AUTS2: variants seen among roughly 807,000 people sequenced by gnomAD.
The protein encoded by AUTS2 is activator of transcription and developmental regulator AUTS2, also known as autism susceptibility gene 2 protein.
In AUTS2, 17 loss-of-function variants were observed where a neutral mutation model predicts 112.4. That is an observed-to-expected ratio of 0.15 (90% CI 0.10 to 0.23). AUTS2 has a LOEUF of 0.23. Among genes scored for constraint, AUTS2 ranks in the 10% least tolerant of loss-of-function variants. AUTS2 has a pLI of 1.00. For missense variants in AUTS2, 1,510 were observed against 1,701.6 expected, an observed-to-expected ratio of 0.89 and a Z score of 1.98; for synonymous variants, 751 against 702.7, an observed-to-expected ratio of 1.07 and a Z score of -1.09.
chr7:70,777,393 A>T (rs987796923), intron 14 of AUTS2, among the ~76,000 whole-genome samples: 4 of 151,934 alleles, frequency 2.6e-5, no homozygotes, highest in Non-Finnish European at 5.9e-5. Flanking sequence ...CAAGGGGACA[A>T]TCATAGCTCA....
At chr7:69,964,141 C>T (rs751689301) in intron 2 of AUTS2, among the ~76,000 whole-genome samples, 5 of 152,106 alleles carry the variant, frequency 3.3e-5, no homozygotes, top group Admixed American at 6.6e-5. Flanking sequence ...TTACCTGATA[C>T]ATATAATACA....
At chr7:70,272,173 A>G (rs1039316582) in intron 4 of AUTS2, among the ~76,000 whole-genome samples, 4 of 152,104 alleles carry the variant, frequency 2.6e-5, no homozygotes, top group Non-Finnish European at 4.4e-5. Flanking sequence ...TGAAAAAGAG[A>G]TAAAATGAAT....
At chr7:70,610,958 T>G (rs1804062373) in intron 5 of AUTS2, among the ~76,000 whole-genome samples, 1 of 152,328 alleles carries the variant, frequency 6.6e-6, no homozygotes, top group South Asian at 2.1e-4. Flanking sequence ...GTTGATTGTT[T>G]CCTTTGCCAT....
intron 5 of AUTS2, among the ~76,000 whole-genome samples, chr7:70,533,194 CT>C (rs1244980708): frequency 6.6e-6 from 1 of 152,206 alleles, no homozygotes. Flanking sequence ...ATGAACACGG[CT>C]CACTTGCAGA....
intron 4 of AUTS2, among the ~76,000 whole-genome samples, chr7:70,235,965 C>G (rs142550660): frequency 0.012 from 1,766 of 152,320 alleles, 17 homozygotes; most frequent in Non-Finnish European, 0.016. Flanking sequence ...TGACCACCCT[C>G]TGTAAAACTG....
intron 1 of AUTS2, among the ~76,000 whole-genome samples, chr7:69,677,846 A>G (rs1384788479): frequency 6.6e-6 from 1 of 152,202 alleles, no homozygotes; most frequent in Non-Finnish European, 1.5e-5. Flanking sequence ...GAGCATTTGC[A>G]AATTACATAG....
At chr7:69,802,630 G>T (rs1790134736) in intron 1 of AUTS2, among the ~76,000 whole-genome samples, 1 of 152,174 alleles carries the variant, frequency 6.6e-6, no homozygotes, top group Non-Finnish European at 1.5e-5. Context: ...GAACCTTAGA[G>T]TACTGGCTCA....
intron 4 of AUTS2, among the ~76,000 whole-genome samples, chr7:70,334,220 C>A (rs765404306): frequency 3.3e-5 from 5 of 152,138 alleles, no homozygotes; most frequent in Non-Finnish European, 7.4e-5. Context: ...ATGTTAGCTG[C>A]AGGTTTTTCA....
At chr7:69,942,234 A>G (rs555928933) in intron 2 of AUTS2, among the ~76,000 whole-genome samples, 46 of 152,318 alleles carry the variant, frequency 3.0e-4, no homozygotes, top group African/African-American at 1.1e-3. Context: ...TCTCAGCTAC[A>G]GCCCAGCACC....
chr7:70,017,103 A>G (rs1800064685), intron 2 of AUTS2, among the ~76,000 whole-genome samples: 1 of 152,214 alleles, frequency 6.6e-6, no homozygotes, highest in African/African-American at 2.4e-5. Context: ...AAATTTCTAA[A>G]TATTTGGCAT....
chr7:70,658,946 C>G (rs1303585120), intron 5 of AUTS2, among the ~76,000 whole-genome samples: 3 of 152,152 alleles, frequency 2.0e-5, no homozygotes, highest in African/African-American at 7.2e-5. Context: ...ACAAGCTCCC[C>G]TTTTACTATT....
chr7:69,647,384 T>C (rs1795073343), intron 1 of AUTS2, among the ~76,000 whole-genome samples: 3 of 151,406 alleles, frequency 2.0e-5, no homozygotes, highest in African/African-American at 7.3e-5. Context: ...ATGGTCTTGC[T>C]CTGTCACCTA....
At chr7:70,269,239 C>T (rs944371524) in intron 4 of AUTS2, among the ~76,000 whole-genome samples, 8 of 152,310 alleles carry the variant, frequency 5.3e-5, no homozygotes, top group African/African-American at 1.7e-4. Flanking sequence ...TGTTCCGCTC[C>T]TTACCCAGGC....
chr7:70,568,929 G>A (rs531965549), intron 5 of AUTS2, among the ~76,000 whole-genome samples: 4 of 152,260 alleles, frequency 2.6e-5, no homozygotes, highest in Admixed American at 6.5e-5. Context: ...TTTTATCAGC[G>A]GAAACCTTGA....
rs374041662 is a variant in AUTS2 at position 70,600,298 on chromosome 7, C to T, written c.691-98271C>T. Among the ~76,000 whole-genome samples, 19 of 152,050 alleles carry T rather than the reference C, an allele frequency of 1.2e-4. No homozygotes were observed. The South Asian group carries it at 2.5e-3, about 20-fold the overall frequency. On this transcript the variant is annotated intron_variant, in intron 5 of 18. Transcript: ENST00000342771. ...GTTTTGTTTTGTTTTGTTTTTGAGA[C>T]GAAGTCTTGCTCTGTTGCCCAGGCT...
chr7:69,637,970 G>T (rs1794625832), intron 1 of AUTS2, among the ~76,000 whole-genome samples: 1 of 152,168 alleles, frequency 6.6e-6, no homozygotes, highest in South Asian at 2.1e-4. Flanking sequence ...AGGAGAGTGA[G>T]ATTTCAGAAA....
At chr7:69,818,098 A>G (rs1273921955) in intron 1 of AUTS2, among the ~76,000 whole-genome samples, 1 of 152,136 alleles carries the variant, frequency 6.6e-6, no homozygotes, top group Non-Finnish European at 1.5e-5. Context: ...AAAGAGAAGA[A>G]AAGAAAACCC....
intron 2 of AUTS2, among the ~76,000 whole-genome samples, chr7:70,101,469 C>T (rs1804492826): frequency 6.6e-6 from 1 of 151,600 alleles, no homozygotes. Context: ...CTGAGGTGGG[C>T]AGATCACTTG....
At chr7:70,310,867 A>G (rs975094720) in intron 4 of AUTS2, among the ~76,000 whole-genome samples, 4 of 152,162 alleles carry the variant, frequency 2.6e-5, no homozygotes, top group African/African-American at 9.7e-5. Flanking sequence ...AAATGATGGT[A>G]TCGTCCTACT....
Sources: gnomAD v4.1 joint callset for allele counts (sites outside exome capture counted in the v4.1 genomes callset) on GRCh38, gnomAD v4.1.1 for gene constraint, MANE v1.5 for transcripts, NCBI Gene and HGNC (gene_info 2026-07-23, HGNC 2026-07-21) for gene names.